Variants in ELP4 observed in about 807,000 individuals in gnomAD.
ELP4 encodes elongator complex protein 4.
A neutral mutation model predicts 48.9 loss-of-function variants in ELP4; 51 were observed. The observed-to-expected ratio is 1.04, with a 90% CI of 0.83 to 1.32. The LOEUF is 1.32. Among genes scored for constraint, ELP4 ranks in the 40% most tolerant of loss-of-function variants. The pLI is 0.00. For synonymous variants in ELP4, 210 were observed against 189.2 expected (o/e 1.11, Z -0.90); for missense variants, 519 against 514.6 (o/e 1.01, Z -0.08).
At chr11:31,573,086 A>G (rs570445497) in intron 3 of ELP4, among the ~76,000 whole-genome samples, 1 of 152,344 alleles carries the variant, frequency 6.6e-6, no homozygotes, top group Admixed American at 6.5e-5. Context: ...TCCAAAGTAT[A>G]ATTTACATAT....
Position 31,789,810 on chromosome 11 carries a change from G to A in ELP4, c.*6286G>A, listed in dbSNP as rs375196435. ...CAGTGGTACAATACAGGACACAATTGTAGAACTGAAGCGGCTCTAACAGCC... is the reference window on the plus strand; with the variant it reads ...CAGTGGTACAATACAGGACACAATTATAGAACTGAAGCGGCTCTAACAGCC... On this transcript the variant is annotated 3_prime_UTR_variant, in exon 10 of 10. Transcript: ENST00000640961. 117 of 841,226 alleles carry A rather than the reference G, an allele frequency of 1.4e-4. 3 individuals carry two copies. In the South Asian group the frequency reaches 1.6e-3, roughly 11 times the overall value. 52.1% of individuals were successfully genotyped at this position (841,226 alleles called of 1,614,324 possible). A position where few individuals can be genotyped will look rare whatever the true frequency, so the allele number is the denominator to read the frequency against.
At chr11:31,761,768 C>T (rs569775985) in intron 9 of ELP4, 1 of 152,218 alleles carries the variant, frequency 6.6e-6, no homozygotes, top group South Asian at 2.1e-4. Flanking sequence ...TAGGTGTGGT[C>T]TTGGGACTTT....
chr11:31,600,107 A>G (rs1275285252), intron 4 of ELP4: 1 of 152,212 alleles, frequency 6.6e-6, no homozygotes, highest in Non-Finnish European at 1.5e-5. Flanking sequence ...TACTAATGCA[A>G]AAGTGGACAA....
chr11:31,594,948 T>TTTCA, intron 4 of ELP4, 47 bp downstream of exon 4: 1 of 1,508,374 alleles, frequency 6.6e-7, no homozygotes, highest in Non-Finnish European at 8.8e-7. Context: ...ATGCATTTGT[T>TTTCA]TTCATCTTAC....
At chr11:31,657,458 G>C (rs572104993) in intron 9 of ELP4, among the ~76,000 whole-genome samples, 1 of 151,990 alleles carries the variant, frequency 6.6e-6, no homozygotes, top group African/African-American at 2.4e-5. Flanking sequence ...CTCCACAAGA[G>C]TAAGGACATA....
intron 7 of ELP4, among the ~76,000 whole-genome samples, chr11:31,639,393 A>T (rs1945042335): frequency 1.3e-5 from 2 of 151,882 alleles, no homozygotes; most frequent in Admixed American, 6.6e-5. Context: ...TTTTCTTTAA[A>T]ATAACAAATA....
intron 9 of ELP4, among the ~76,000 whole-genome samples, chr11:31,752,592 T>C (rs1222593594): frequency 1.3e-5 from 2 of 152,058 alleles, no homozygotes; most frequent in African/African-American, 2.4e-5. Flanking sequence ...CCCAGCACTT[T>C]GGGAGGCCGA....
At chr11:31,603,651 G>A (rs867853166) in intron 4 of ELP4, 117 bp from the exon 5 acceptor site, 18 of 1,033,528 alleles carry the variant, frequency 1.7e-5, no homozygotes, top group Admixed American at 4.7e-5. Context: ...ATGTATATCC[G>A]TTCTTCCTTA....
At chr11:31,618,853 G>A (rs1375832521) in intron 5 of ELP4, among the ~76,000 whole-genome samples, 3 of 152,050 alleles carry the variant, frequency 2.0e-5, no homozygotes, top group African/African-American at 7.2e-5. Context: ...TACACTTTCA[G>A]TGGGTGAATT....
At chr11:31,693,228 A>G (rs1946320461) in intron 9 of ELP4, among the ~76,000 whole-genome samples, 7 of 152,104 alleles carry the variant, frequency 4.6e-5, no homozygotes. Context: ...TTACATAGGT[A>G]TACATGTGCC....
In ELP4 at chr11:31,638,512, GT is replaced by G. The variant is rs1334508371; in HGVS notation, c.927+6109del. 1.9e-4 allele frequency among the ~76,000 whole-genome samples: 29 copies of G among 151,812 alleles called. 2 individuals carry two copies. Among genetic ancestry groups the G allele is most frequent in the Non-Finnish European group, 5.9e-5 (4 of 67,840 alleles). ...CATTGAAGAAAACTATTACCAGCAT[GT>G]TAGCTTATACCAAGGAAAATTCATT... On this transcript the variant is annotated intron_variant, in intron 7 of 9. Transcript: ENST00000640961.
intron 9 of ELP4, chr11:31,653,306 C>G (rs920559439): frequency 6.6e-6 from 1 of 151,528 alleles, no homozygotes; most frequent in African/African-American, 2.4e-5. Flanking sequence ...AATAGCTTTC[C>G]AATTCTTTGA....
intron 3 of ELP4, among the ~76,000 whole-genome samples, chr11:31,591,305 C>T (rs1358789248): frequency 6.7e-6 from 1 of 148,222 alleles, no homozygotes; most frequent in African/African-American, 2.5e-5. Context: ...ACTCAGGAGG[C>T]TGAGGCAAGA....
intron 3 of ELP4, among the ~76,000 whole-genome samples, chr11:31,543,325 G>A (rs57575045): frequency 7.5e-4 from 114 of 152,008 alleles, no homozygotes; most frequent in African/African-American, 2.7e-3. Context: ...TTTGTTTTTT[G>A]TTTTTTGTTT....
At chr11:31,737,828 G>C (rs1947352694) in intron 9 of ELP4, among the ~76,000 whole-genome samples, 1 of 152,134 alleles carries the variant, frequency 6.6e-6, no homozygotes, top group African/African-American at 2.4e-5. Flanking sequence ...GGTAACTCTT[G>C]TGCATTATTG....
rs1949027926 is a variant in ELP4, at chr11:31,789,237, G to T, written c.*5713G>T. On this transcript the variant is annotated 3_prime_UTR_variant, in exon 10 of 10. Transcript: ENST00000640961. ...AACTTTATTATAGAAATCATTCTGA[G>T]GATTTCTAGGGAAGACAAATACTTA... 1 of 213,000 alleles carries T rather than the reference G, an allele frequency of 4.7e-6. No homozygotes were observed. The highest frequency in any genetic ancestry group is 1.9e-4 in the South Asian group (1 of 5,384). 13.2% of individuals were successfully genotyped at this position (213,000 alleles called of 1,614,324 possible). A position where few individuals can be genotyped will look rare whatever the true frequency, so the allele number is the denominator to read the frequency against.
At chr11:31,749,996 C>T (rs754750132) in intron 9 of ELP4, among the ~76,000 whole-genome samples, 6 of 151,872 alleles carry the variant, frequency 4.0e-5, no homozygotes, top group Non-Finnish European at 7.4e-5. Context: ...GCTGGGACTA[C>T]AGGTGCCCAC....
intron 3 of ELP4, among the ~76,000 whole-genome samples, chr11:31,550,334 T>C (rs1294179746): frequency 6.6e-6 from 1 of 152,122 alleles, no homozygotes; most frequent in Non-Finnish European, 1.5e-5. Flanking sequence ...GATGGATATA[T>C]TTTTTGTCTT....
At chr11:31,533,194 A>G (rs1956428501) in intron 2 of ELP4, among the ~76,000 whole-genome samples, 1 of 151,712 alleles carries the variant, frequency 6.6e-6, no homozygotes, top group African/African-American at 2.4e-5. Context: ...TTACCCCCTT[A>G]CCACTCTTCC....
Sources: allele counts gnomAD v4.1 joint callset (sites outside exome capture counted in the v4.1 genomes callset), GRCh38; gene constraint gnomAD v4.1.1; transcripts MANE v1.5; gene names NCBI Gene and HGNC (gene_info 2026-07-23, HGNC 2026-07-21).